The following DCAF17 variants were observed in gnomAD, a reference collection of about 807,000 sequenced individuals.
The protein encoded by DCAF17 is DDB1- and CUL4-associated factor 17.
DCAF17 carries 48 observed loss-of-function variants against 66.0 expected under a neutral mutation model. The observed-to-expected ratio is 0.73, with a 90% CI of 0.58 to 0.92. The LOEUF (loss-of-function observed/expected upper bound fraction) is 0.92, where lower values mean the gene tolerates loss of function less well. DCAF17 is among the 40% of genes least tolerant of loss of function. The pLI is 0.00. For missense variants in DCAF17, 562 were observed against 622.8 expected, an observed-to-expected ratio of 0.90 and a Z score of 1.04; for synonymous variants, 206 against 214.6, an observed-to-expected ratio of 0.96 and a Z score of 0.35.
At chr2:171,456,650 A>G (rs947428741) in intron 6 of DCAF17, among the ~76,000 whole-genome samples, 2 of 152,016 alleles carry the variant, frequency 1.3e-5, no homozygotes, top group African/African-American at 4.8e-5. Context: ...GTGTTTTTCC[A>G]TTTGTTTGTG....
intron 8 of DCAF17, among the ~76,000 whole-genome samples, chr2:171,468,007 AT>A (rs1325820311): frequency 6.6e-6 from 1 of 152,172 alleles, no homozygotes; most frequent in African/African-American, 2.4e-5. Context: ...TAGAGGGTAA[AT>A]AAGGCAGTCA....
intron 8 of DCAF17, among the ~76,000 whole-genome samples, chr2:171,459,970 T>C (rs1219741356): frequency 6.6e-6 from 1 of 152,090 alleles, no homozygotes; most frequent in Non-Finnish European, 1.5e-5. Flanking sequence ...TATTTTGAAA[T>C]GGGTTATTTT....
chr2:171,466,843 C>A (rs990622564), intron 8 of DCAF17, among the ~76,000 whole-genome samples: 2 of 150,496 alleles, frequency 1.3e-5, no homozygotes, highest in Non-Finnish European at 3.0e-5. Context: ...ACCCCAAATT[C>A]CAACTCTAAT....
At chr2:171,455,229 C>T (rs1473422022) in intron 6 of DCAF17, among the ~76,000 whole-genome samples, 1 of 149,096 alleles carries the variant, frequency 6.7e-6, no homozygotes, top group East Asian at 2.1e-4. Context: ...CATCATTTAA[C>T]TCCCACTTAC....
chr2:171,470,756 G>A (rs940849104), intron 9 of DCAF17, among the ~76,000 whole-genome samples: 2 of 151,974 alleles, frequency 1.3e-5, no homozygotes, highest in African/African-American at 2.4e-5. Flanking sequence ...CATTTAACAC[G>A]TATTCTTTTT....
At chr2:171,441,202 A>G (rs907543419) in intron 2 of DCAF17, among the ~76,000 whole-genome samples, 3 of 152,142 alleles carry the variant, frequency 2.0e-5, no homozygotes, top group Non-Finnish European at 4.4e-5. Flanking sequence ...GTTTTTCTGG[A>G]AAGAGCCACA....
chr2:171,477,658 G>A (rs571398618), intron 11 of DCAF17, among the ~76,000 whole-genome samples: 1 of 152,246 alleles, frequency 6.6e-6, no homozygotes, highest in East Asian at 1.9e-4. Flanking sequence ...CAGGCATGGT[G>A]GTGTATGCCT....
At chr2:171,459,906 T>A (rs1695474803) in intron 8 of DCAF17, among the ~76,000 whole-genome samples, 2 of 152,172 alleles carry the variant, frequency 1.3e-5, no homozygotes, top group South Asian at 4.1e-4. Context: ...TACAAATACA[T>A]TAAAAGCAAT....
At chr2:171,451,239 C>A (rs561610173) in intron 5 of DCAF17, among the ~76,000 whole-genome samples, 1 of 152,004 alleles carries the variant, frequency 6.6e-6, no homozygotes, top group Non-Finnish European at 1.5e-5. Flanking sequence ...TTGGCTACTT[C>A]TACTTACTTT....
rs114671516 is a variant in DCAF17, at chr2:171,447,190, C to T, written c.322-1491C>T. ...AATGTGTTATTCAATTATATGTAGT[C>T]ATACAAAAAAAAAACACTAGCATAC... On this transcript the variant is annotated intron_variant, in intron 3 of 13. Coordinates refer to ENST00000375255, the MANE Select transcript of DCAF17 (RefSeq NM_025000.4). Among the ~76,000 whole-genome samples the T allele has an allele frequency of 1.5e-3, 226 of 149,718 alleles. 4 individuals are homozygous for T. In the East Asian group the frequency reaches 0.017, roughly 11 times the overall value.
rs1395508931 is a variant in DCAF17 at position 171,481,975 on chromosome 2, A to G, written c.*861A>G. The G allele has an allele frequency of 6.6e-6, 3 of 453,962 alleles. No homozygotes were observed. Among genetic ancestry groups the G allele is most frequent in the Non-Finnish European group, 1.3e-5 (3 of 226,774 alleles). 28.1% of individuals were successfully genotyped at this position (453,962 alleles called of 1,614,324 possible). ...TGCCTGCAGTAGTTCTGTTTCCTGT[A>G]GAAAAGTGGATAAAGAGTCCCAGAA... On this transcript the variant is annotated 3_prime_UTR_variant, in exon 14 of 14. Transcript: ENST00000375255.
chr2:171,472,417 G>A (rs775888786), intron 9 of DCAF17, among the ~76,000 whole-genome samples: 1 of 152,166 alleles, frequency 6.6e-6, no homozygotes, highest in Non-Finnish European at 1.5e-5. Flanking sequence ...GACCTCAAGT[G>A]ATCCACCTGC....
intron 6 of DCAF17, among the ~76,000 whole-genome samples, chr2:171,455,521 A>G (rs1166221512): frequency 3.3e-5 from 5 of 152,236 alleles, no homozygotes; most frequent in African/African-American, 9.6e-5. Flanking sequence ...CCCTTTGGAT[A>G]TATACCCAGT....
At chr2:171,463,339 A>G (rs995244379) in intron 8 of DCAF17, among the ~76,000 whole-genome samples, 2 of 152,022 alleles carry the variant, frequency 1.3e-5, no homozygotes, top group Non-Finnish European at 2.9e-5. Context: ...CTGTGTATAT[A>G]AAAATCTTCA....
chr2:171,448,869 T>G, intron 4 of DCAF17, 52 bp downstream of exon 4: 4 of 1,534,012 alleles, frequency 2.6e-6, no homozygotes, highest in Non-Finnish European at 3.6e-6. Flanking sequence ...ATTTGAAACC[T>G]GTGGCCCATG....
chr2:171,475,167 C>T (rs1696438615), intron 10 of DCAF17, among the ~76,000 whole-genome samples: 1 of 152,164 alleles, frequency 6.6e-6, no homozygotes, highest in Admixed American at 6.5e-5. Flanking sequence ...GTTTCCCCTA[C>T]CTGTTCTGCC....
Position 171,452,996 on chromosome 2 carries a change from T to A in DCAF17, c.538-128T>A, listed in dbSNP as rs3731985. On this transcript the variant is annotated intron_variant, in intron 5 of 13. Transcript: ENST00000375255. ...GTAACTTTGCAATCTAGATAGATGG[T>A]TGTTTTCATAATATGAAAATGTCTG... 0.21 allele frequency: 118,505 copies of A among 569,532 alleles called. 13,074 individuals are homozygous for A. The highest frequency in any genetic ancestry group is 0.29 in the Admixed American group (8,370 of 28,762). 35.3% of individuals were successfully genotyped at this position (569,532 alleles called of 1,614,324 possible).
At chr2:171,463,102 G>T (rs560117192) in intron 8 of DCAF17, among the ~76,000 whole-genome samples, 1 of 152,002 alleles carries the variant, frequency 6.6e-6, no homozygotes, top group African/African-American at 2.4e-5. Context: ...GTGGTGGCGA[G>T]CACCTGTGAT....
intron 2 of DCAF17, among the ~76,000 whole-genome samples, chr2:171,440,226 A>G (rs113417445): frequency 0.012 from 1,764 of 152,162 alleles, 43 homozygotes; most frequent in African/African-American, 0.04. Flanking sequence ...AAACTTTTGT[A>G]TTTTGCCTGT....
Sources: gnomAD v4.1 joint callset for allele counts (sites outside exome capture counted in the v4.1 genomes callset) on GRCh38, gnomAD v4.1.1 for gene constraint, MANE v1.5 for transcripts, NCBI Gene and HGNC (gene_info 2026-07-23, HGNC 2026-07-21) for gene names.